The following RAD52 variants were observed in gnomAD, a reference collection of about 807,000 sequenced individuals.
RAD52 encodes RAD52 DNA repair protein, also known as DNA repair protein RAD52 homolog.
A neutral mutation model predicts 55.5 loss-of-function variants in RAD52; 47 were observed. The ratio of observed to expected loss-of-function variants is 0.85; its 90% confidence interval spans 0.67 to 1.08. RAD52 has a LOEUF of 1.08. Among genes scored for constraint, RAD52 ranks in the 50% least tolerant of loss-of-function variants. The probability of loss-of-function intolerance (pLI) is 0.00; values close to 1 mark genes in which losing one functional copy is unlikely to be tolerated. For synonymous variants in RAD52, 184 were observed against 198.9 expected, an observed-to-expected ratio of 0.92 and a Z score of 0.63; for missense variants, 468 against 522.8, an observed-to-expected ratio of 0.90 and a Z score of 1.02.
intron 7 of RAD52, among the ~76,000 whole-genome samples, chr12:924,251 A>C (rs1027887266): frequency 1.3e-5 from 2 of 151,738 alleles, no homozygotes; most frequent in Non-Finnish European, 2.9e-5. Flanking sequence ...CTACTAAAAA[A>C]ATACAAAAAT....
chr12:964,916 C>A (rs903223684), intron 1 of RAD52, among the ~76,000 whole-genome samples: 1 of 151,878 alleles, frequency 6.6e-6, no homozygotes, highest in East Asian at 1.9e-4. Context: ...ATTTTGGATA[C>A]ACTTCTTCAG....
At chr12:989,525 A>G (rs1233705507) in intron 1 of RAD52, among the ~76,000 whole-genome samples, 1 of 152,214 alleles carries the variant, frequency 6.6e-6, no homozygotes, top group Non-Finnish European at 1.5e-5. Context: ...TAACTGGAGC[A>G]GGGCAGGAAA....
chr12:978,013 C>T (rs924370514), intron 1 of RAD52, among the ~76,000 whole-genome samples: 3 of 152,164 alleles, frequency 2.0e-5, no homozygotes, highest in Non-Finnish European at 4.4e-5. Context: ...GCTACAATGA[C>T]AGTGACATTG....
chr12:979,006 A>G (rs923711717), intron 1 of RAD52, among the ~76,000 whole-genome samples: 2 of 152,210 alleles, frequency 1.3e-5, no homozygotes, highest in Non-Finnish European at 2.9e-5. Flanking sequence ...GGGAAATCTC[A>G]TTACCATTCC....
chr12:940,001 G>A (rs1957838603), intron 1 of RAD52, among the ~76,000 whole-genome samples: 1 of 151,996 alleles, frequency 6.6e-6, no homozygotes, highest in Non-Finnish European at 1.5e-5. Flanking sequence ...CTTGAACCTG[G>A]GAGGCAGAGG....
At chr12:919,882 CT>C (rs1956624194) in intron 7 of RAD52, among the ~76,000 whole-genome samples, 1 of 117,946 alleles carries the variant, frequency 8.5e-6, no homozygotes, top group Non-Finnish European at 1.8e-5. Flanking sequence ...GTGAAACCCC[CT>C]CTCTACAAAA....
At chr12:974,997 T>C (rs1958916905) in intron 1 of RAD52, 1 of 152,134 alleles carries the variant, frequency 6.6e-6, no homozygotes, top group Non-Finnish European at 1.5e-5. Context: ...GATAGGTGAG[T>C]ACAGTAACAC....
chr12:927,126 C>A lies in RAD52; in HGVS notation c.467+19G>T. 1 of 1,604,798 alleles carries A rather than the reference C, an allele frequency of 6.2e-7. No homozygotes were observed. The highest frequency in any genetic ancestry group is 8.5e-7 in the Non-Finnish European group (1 of 1,171,860). On this transcript the variant is annotated intron_variant, in intron 6 of 11. Transcript: ENST00000358495. ...AAGAGCTGAAATGACGCAGGTTAGA[C>A]TCCCAGCCCCGCGCTCACCTGAGGG...
At chr12:969,513 A>G (rs922737102) in intron 1 of RAD52, among the ~76,000 whole-genome samples, 1 of 152,082 alleles carries the variant, frequency 6.6e-6, no homozygotes, top group Non-Finnish European at 1.5e-5. Flanking sequence ...TAAGCTGGGC[A>G]TGGTGGCTCA....
At position 912,020 on chromosome 12, in the gene RAD52, C is replaced by CT. The variant is rs1050276880; in HGVS notation, c.*1370_*1371insA. 5.0e-6 allele frequency: 1 copy of CT among 199,018 alleles called. No homozygotes were observed. The highest frequency in any genetic ancestry group is 1.0e-5 in the Non-Finnish European group (1 of 96,558). The allele number at this position is 199,018 out of a possible 1,614,324, so 12.3% of individuals were successfully genotyped here. On this transcript the variant is annotated 3_prime_UTR_variant, in exon 12 of 12. Coordinates refer to ENST00000358495, the MANE Select transcript of RAD52 (RefSeq NM_134424.4). ...GCCTGCGCTACAGAGCCAGACCCCC[C>CT]CTCTCAAAAAAAAAGTTGTTAAACT... is the stretch of plus-strand genomic sequence containing the variant.
At chr12:951,611 T>C (rs569712832), upstream of RAD52, among the ~76,000 whole-genome samples, 1 of 152,348 alleles carries the variant, frequency 6.6e-6, no homozygotes, top group African/African-American at 2.4e-5. Context: ...CTAGTCCAGC[T>C]AGATGTTTAT....
intron 1 of RAD52, chr12:976,571 AT>A (rs1335810682): frequency 1.3e-5 from 2 of 152,256 alleles, no homozygotes; most frequent in African/African-American, 4.8e-5. Context: ...GCTTCCAGTC[AT>A]CCCTGCCAAG....
chr12:942,081 T>C (rs757647425), intron 1 of RAD52, among the ~76,000 whole-genome samples: 4 of 152,220 alleles, frequency 2.6e-5, no homozygotes, highest in Non-Finnish European at 1.5e-5. Context: ...ACCAGACTTT[T>C]CTGTAAAACT....
intron 1 of RAD52, among the ~76,000 whole-genome samples, chr12:980,583 T>A (rs1034735044): frequency 6.9e-6 from 1 of 145,982 alleles, no homozygotes; most frequent in African/African-American, 2.5e-5. Flanking sequence ...CATGAGCCAC[T>A]GCACCCAGCC....
intron 7 of RAD52, among the ~76,000 whole-genome samples, chr12:918,900 A>G (rs1328584349): frequency 6.6e-6 from 1 of 152,110 alleles, no homozygotes; most frequent in African/African-American, 2.4e-5. Context: ...TAACCTGTCT[A>G]TATGTTCTTT....
intron 1 of RAD52, among the ~76,000 whole-genome samples, chr12:946,478 A>G (rs1958234627): frequency 6.6e-6 from 1 of 152,226 alleles, no homozygotes; most frequent in African/African-American, 2.4e-5. Context: ...TTCTGTTTAA[A>G]GATATCTTAT....
At chr12:928,377 C>T (rs1957153354) in intron 5 of RAD52, among the ~76,000 whole-genome samples, 1 of 151,882 alleles carries the variant, frequency 6.6e-6, no homozygotes, top group Non-Finnish European at 1.5e-5. Flanking sequence ...ATTAGGCGGG[C>T]GGGGTGGCGC....
chr12:953,336 G>C (rs1958561302), upstream of RAD52, among the ~76,000 whole-genome samples: 1 of 151,862 alleles, frequency 6.6e-6, no homozygotes, highest in African/African-American at 2.4e-5. Context: ...AGAAAACAGA[G>C]ACAAAGACAG....
rs151204519 is a variant in RAD52 at position 963,951 on chromosome 12, T to C, written c.-19+25858A>G. On this transcript the variant is annotated intron_variant, in intron 1 of 11. Transcript: ENST00000430095. ...CAGGTGACATTTGCAAATAACTGAA[T>C]GAAATGAGTGAGAAGGGCACAGTGC... is the stretch of plus-strand genomic sequence containing the variant. Among the ~76,000 whole-genome samples the C allele has an allele frequency of 8.3e-4, 126 of 151,968 alleles. 1 individual carries two copies. Among genetic ancestry groups the C allele is most frequent in the African/African-American group, 3.0e-3 (123 of 41,442 alleles).
Sources: gnomAD v4.1 joint callset for allele counts (sites outside exome capture counted in the v4.1 genomes callset) on GRCh38, gnomAD v4.1.1 for gene constraint, MANE v1.5 for transcripts, NCBI Gene and HGNC (gene_info 2026-07-23, HGNC 2026-07-21) for gene names.